Variants in NDOR1 observed in about 807,000 individuals in gnomAD.
The protein encoded by NDOR1 is NADPH-dependent diflavin oxidoreductase 1.
Under a neutral mutation model 67.2 loss-of-function variants are expected in NDOR1, and 61 were observed. That is an observed-to-expected ratio of 0.91 (90% CI 0.74 to 1.12). NDOR1 has a LOEUF of 1.12. Among genes scored for constraint, NDOR1 ranks in the 50% most tolerant of loss-of-function variants. The pLI is 0.00. For missense variants in NDOR1, 878 were observed against 802.8 expected (o/e 1.09, Z -1.13); for synonymous variants, 378 against 343.7 (o/e 1.10, Z -1.10).
chr9:137,206,460 G>C, intron 2 of NDOR1, 151 bp downstream of exon 2: 1 of 797,354 alleles, frequency 1.3e-6, no homozygotes, highest in East Asian at 2.5e-5. Flanking sequence ...TGGGGCTGGG[G>C]GCTCCGGTTG....
rs765619684 is a variant in NDOR1, at chr9:137,214,626, A to T, written c.779A>T (p.Gln260Leu). ...CCCTCCAACTCGGCTGCCCATGTCC[A>T]GCGGTTCTGCCAGGTGCTGGGCCTG... ...IQPSNSAAHV[Q>L]RFCQVLGLDP... is the part of the protein sequence containing the mutation. The change falls in exon 7 of 14, where the codon CAG becomes CTG. Residue 260 changes from glutamine to leucine, a missense_variant. Transcript: ENST00000684003. 13 of 1,609,902 alleles carry T rather than the reference A, an allele frequency of 8.1e-6. No homozygotes were observed. The highest frequency in any genetic ancestry group is 1.7e-4 in the Middle Eastern group (1 of 6,022).
In NDOR1 at chr9:137,215,744, T is replaced by C; in HGVS notation, c.1374T>C (p.Pro458=). 1 of 1,603,284 alleles carries C rather than the reference T, an allele frequency of 6.2e-7. No homozygotes were observed. The highest frequency in any genetic ancestry group is 1.7e-5 in the Admixed American group (1 of 59,326). The change falls in exon 11 of 14, where the codon CCT becomes CCC. Residue 458 remains proline, a synonymous_variant. Transcript: ENST00000684003. ...TPDTPVIMVG[P]GTGVAPFRAA... ...ACACACCTGTGATCATGGTGGGGCC[T>C]GGCACTGGGGTAGCCCCCTTCCGAG...
chr9:137,214,382 A>G lies in NDOR1; in HGVS notation c.691A>G (p.Ile231Val). The G allele has an allele frequency of 6.2e-7, 1 of 1,614,060 alleles. No homozygotes were observed. Among genetic ancestry groups the G allele is most frequent in the Non-Finnish European group, 8.5e-7 (1 of 1,180,014 alleles). Residue 231 changes from isoleucine (I) to valine (V), a missense_variant, in exon 6 of 14, where the codon ATT becomes GTT. By Grantham distance (29) the Ile-to-Val change is conservative (BLOSUM62 3). Coordinates refer to ENST00000684003, the MANE Select transcript of NDOR1 (RefSeq NM_014434.4). ...GPSHFQDVRL[I>V]EFDILGSGIS... Reference sequence around the variant, plus strand: ...CTCCCACTTCCAGGACGTTCGGCTGATTGAGTTTGACATCTTGGGCTCTGG... The same window carrying G: ...CTCCCACTTCCAGGACGTTCGGCTGGTTGAGTTTGACATCTTGGGCTCTGG...
rs548201420 is a variant in NDOR1 at position 137,216,407 on chromosome 9, G to A, written c.1785G>A (p.Thr595=). 5.0e-6 allele frequency: 8 copies of A among 1,603,436 alleles called. No homozygotes were observed. The African/African-American group carries it at 8.0e-5, about 16-fold the overall frequency. ...LQQTRRFQTE[T]WA ...AGACACGGCGCTTCCAGACAGAGACGTGGGCCTGAGGCCCGCGGCTGCCCG... is the reference window on the plus strand; with the variant it reads ...AGACACGGCGCTTCCAGACAGAGACATGGGCCTGAGGCCCGCGGCTGCCCG... Residue 595 remains threonine (T), a synonymous_variant, in exon 14 of 14, where the codon ACG becomes ACA. Transcript: ENST00000684003.
Position 137,217,747 on chromosome 9 carries a change from C to G in NDOR1, c.*1331C>G, listed in dbSNP as rs563242827. ...TGCCTTCCCTGAGGGCCGCCCCTGT[C>G]GCCGCCCTGGGGTCCCTGTCCTCCT... On this transcript the variant is annotated 3_prime_UTR_variant, in exon 14 of 14. Transcript: ENST00000684003. 1 of 383,748 alleles carries G rather than the reference C, an allele frequency of 2.6e-6. No individual in the cohort carries two copies. Among genetic ancestry groups the G allele is most frequent in the Non-Finnish European group, 4.6e-6 (1 of 217,468 alleles). The allele number at this position is 383,748 out of a possible 1,614,324, so 23.8% of individuals were successfully genotyped here.
intron 9 of NDOR1, 66 bp downstream of exon 9, chr9:137,215,268 T>G: frequency 6.4e-7 from 1 of 1,564,668 alleles, no homozygotes; most frequent in South Asian, 1.1e-5. Flanking sequence ...GCTGTGGGGT[T>G]TTGTAAGCAG....
chr9:137,207,798 G>C (rs1835042777), intron 2 of NDOR1, among the ~76,000 whole-genome samples: 2 of 152,236 alleles, frequency 1.3e-5, no homozygotes. Context: ...AGAGAAGCCA[G>C]ATTACAGGAG....
At chr9:137,214,537 G>A (rs199964308) in intron 6 of NDOR1, 33 bp from the exon 7 acceptor site, 176 of 1,610,200 alleles carry the variant, frequency 1.1e-4, no homozygotes, top group Middle Eastern at 1.7e-4. Flanking sequence ...TCCCTGCGGC[G>A]TCCCCACAGC....
intron 2 of NDOR1, among the ~76,000 whole-genome samples, chr9:137,207,566 A>C (rs190732777): frequency 5.9e-5 from 9 of 152,260 alleles, no homozygotes; most frequent in African/African-American, 2.2e-4. Flanking sequence ...CAGGCTGCCC[A>C]GAACGTTAGA....
In NDOR1 at chr9:137,213,982, G is replaced by C. The variant is rs1458040042; in HGVS notation, c.426G>C (p.Val142=). 1 of 1,558,210 alleles carries C rather than the reference G, an allele frequency of 6.4e-7. No homozygotes were observed. Among genetic ancestry groups the C allele is most frequent in the African/African-American group, 1.4e-5 (1 of 73,794 alleles). The part of the protein sequence containing the change: ...DQHELGPDAA[V]DPWLRDLWDR... Reference sequence around the variant, plus strand: ...TCCCTCCCAGGCCCGACGCTGCTGTGGACCCCTGGCTGCGAGACTTGTGGG... The same window carrying C: ...TCCCTCCCAGGCCCGACGCTGCTGTCGACCCCTGGCTGCGAGACTTGTGGG... The change falls in exon 5 of 14, where the codon GTG becomes GTC. Residue 142 remains valine, a synonymous_variant. Transcript: ENST00000684003.
Position 137,218,597 on chromosome 9 carries a change from C to T in NDOR1, c.*2181C>T, listed in dbSNP as rs904949200. The T allele has an allele frequency of 7.5e-6, 3 of 398,742 alleles. No individual in the cohort carries two copies. The highest frequency in any genetic ancestry group is 4.4e-5 in the Admixed American group (1 of 22,714). 24.7% of individuals were successfully genotyped at this position (398,742 alleles called of 1,614,324 possible). Reference sequence around the variant, plus strand: ...CTTCGTGCTCCTGGACCGCTCTGGCCGCTGAGCAGAGCCCAGGACAGCCCC... The same window carrying T: ...CTTCGTGCTCCTGGACCGCTCTGGCTGCTGAGCAGAGCCCAGGACAGCCCC... On this transcript the variant is annotated 3_prime_UTR_variant, in exon 14 of 14. Coordinates refer to ENST00000684003, the MANE Select transcript of NDOR1 (RefSeq NM_014434.4).
Position 137,205,734 on chromosome 9 carries a change from C to G in NDOR1, c.-44C>G, listed in dbSNP as rs377743813. 6.3e-7 allele frequency: 1 copy of G among 1,598,776 alleles called. No individual in the cohort carries two copies. The highest frequency in any genetic ancestry group is 8.5e-7 in the Non-Finnish European group (1 of 1,179,302). ...CCTGCAACCCGGCCGGCGGGAACTG[C>G]CTTCTAGTTTTTAGTCTCAGACCAG... On this transcript the variant is annotated 5_prime_UTR_variant, in exon 1 of 14. Coordinates refer to ENST00000684003, the MANE Select transcript of NDOR1 (RefSeq NM_014434.4).
chr9:137,205,997 C>T, intron 1 of NDOR1, 85 bp downstream of exon 1: 1 of 1,487,738 alleles, frequency 6.7e-7, no homozygotes, highest in African/African-American at 1.4e-5. Flanking sequence ...AAAGGCGTCG[C>T]ATTTTCTCTG....
chr9:137,208,255 C>G (rs1242275112), intron 2 of NDOR1, among the ~76,000 whole-genome samples: 1 of 151,148 alleles, frequency 6.6e-6, no homozygotes. Context: ...CGAGACCATC[C>G]TGGCTAACAC....
intron 3 of NDOR1, among the ~76,000 whole-genome samples, chr9:137,213,376 G>A (rs1209106627): frequency 1.3e-5 from 2 of 152,272 alleles, no homozygotes; most frequent in South Asian, 2.1e-4. Flanking sequence ...ACTGACCCCC[G>A]GGAAGATGCC....
chr9:137,209,325 A>C (rs905166193), intron 2 of NDOR1, among the ~76,000 whole-genome samples: 1 of 152,144 alleles, frequency 6.6e-6, no homozygotes, highest in Non-Finnish European at 1.5e-5. Context: ...ATGGAAGAGA[A>C]GGGGTTTCAG....
In NDOR1 at chr9:137,219,028, T is replaced by G; in HGVS notation, c.*2612T>G. The G allele has an allele frequency of 6.0e-6, 1 of 166,310 alleles. No homozygotes were observed. The highest frequency in any genetic ancestry group is 1.3e-5 in the Non-Finnish European group (1 of 77,900). The allele number at this position is 166,310 out of a possible 1,614,324, so 10.3% of individuals were successfully genotyped here. A position where few individuals can be genotyped will look rare whatever the true frequency, so the allele number is the denominator to read the frequency against. ...AAACAGAGATACAGCAGTGAGTCAG[T>G]TCCTTGGAGAGGGCAGGGACTCCGC... On this transcript the variant is annotated 3_prime_UTR_variant, in exon 14 of 14. Transcript: ENST00000684003.
In NDOR1 at chr9:137,213,787, T is replaced by G. The variant is rs1424271166; in HGVS notation, c.319T>G (p.Phe107Val). 3 of 1,612,514 alleles carry G rather than the reference T, an allele frequency of 1.9e-6. No individual in the cohort carries two copies. Among genetic ancestry groups the G allele is most frequent in the Admixed American group, 3.3e-5 (2 of 59,812 alleles). The change falls in exon 4 of 14, where the codon TTC (phenylalanine) becomes GTC (valine). Residue 107 changes from phenylalanine (F) to valine (V), a missense_variant. Physicochemically the swap from Phe to Val is conservative, Grantham distance 50. Coordinates refer to ENST00000684003, the MANE Select transcript of NDOR1 (RefSeq NM_014434.4). ...LGDSSYAKFNFVAKKLHRRLL... is the reference protein window; with the variant it reads ...LGDSSYAKFNVVAKKLHRRLL... ...GCCTCACTGTCTCCACAGGTTCAAC[T>G]TCGTGGCCAAGAAGCTGCACCGACG... is the stretch of plus-strand genomic sequence containing the variant.
intron 2 of NDOR1, among the ~76,000 whole-genome samples, chr9:137,208,493 A>C (rs996401059): frequency 2.6e-5 from 4 of 151,062 alleles, no homozygotes; most frequent in Admixed American, 6.6e-5. Context: ...CAAACAAAAA[A>C]CCACATCTGG....
Sources: allele counts gnomAD v4.1 joint callset (sites outside exome capture counted in the v4.1 genomes callset), GRCh38; gene constraint gnomAD v4.1.1; transcripts MANE v1.5; gene names NCBI Gene and HGNC (gene_info 2026-07-23, HGNC 2026-07-21).